The following USP32 variants were observed in gnomAD, a reference collection of about 807,000 sequenced individuals.
USP32 encodes ubiquitin carboxyl-terminal hydrolase 32.
In USP32, 59 loss-of-function variants were observed where a neutral mutation model predicts 204.8. The observed-to-expected ratio is 0.29, with a 90% CI of 0.23 to 0.36. The LOEUF (loss-of-function observed/expected upper bound fraction) is 0.36, where lower values mean the gene tolerates loss of function less well. USP32 is among the 10% of genes least tolerant of loss of function. The pLI is 1.00. For synonymous variants in USP32, 517 were observed against 678.4 expected (o/e 0.76, Z 3.70); for missense variants, 1,160 against 1,946.4 (o/e 0.60, Z 7.60).
chr17:60,265,490 A>G lies in USP32; in HGVS notation c.928-16T>C, dbSNP rs766077403. 6.6e-7 allele frequency: 1 copy of G among 1,524,888 alleles called. No homozygotes were observed. The highest frequency in any genetic ancestry group is 9.0e-7 in the Non-Finnish European group (1 of 1,106,390). 94.5% of individuals were successfully genotyped at this position (1,524,888 alleles called of 1,614,324 possible). On this transcript the variant is annotated splice_polypyrimidine_tract_variant and intron_variant, in intron 8 of 33. Transcript: ENST00000300896. The stretch of plus-strand genomic sequence containing the variant: ...TATGTAATTCCTTTAAAAATAACCC[A>G]AAGGAGTAATTAGAAAACAGTGAAT...
At position 60,223,453 on chromosome 17, in the gene USP32, C is replaced by G; in HGVS notation, c.1566G>C (p.Gly522=). The G allele has an allele frequency of 6.2e-7, 1 of 1,612,308 alleles. No homozygotes were observed. Among genetic ancestry groups the G allele is most frequent in the Non-Finnish European group, 8.5e-7 (1 of 1,179,604 alleles). ...TTACTAATGGCTGATTATCAATAGCCCCTGGTTTCTGAGGGTTAAGGTGCA... is the reference window on the plus strand; with the variant it reads ...TTACTAATGGCTGATTATCAATAGCGCCTGGTTTCTGAGGGTTAAGGTGCA... ...ILLHLNPQKP[G]AIDNQPLVTQ... Residue 522 remains glycine, a synonymous_variant, in exon 14 of 34, where the codon GGG becomes GGC. Transcript: ENST00000300896.
intron 16 of USP32, among the ~76,000 whole-genome samples, chr17:60,216,834 G>GCAAGCAA (rs1392690580): frequency 6.6e-6 from 1 of 152,128 alleles, no homozygotes; most frequent in African/African-American, 2.4e-5. Flanking sequence ...TTTACAATCA[G>GCAAGCAA]CAAGCAAAGG....
intron 26 of USP32, among the ~76,000 whole-genome samples, chr17:60,202,653 G>A (rs1171825376): frequency 6.6e-6 from 1 of 151,726 alleles, no homozygotes; most frequent in Non-Finnish European, 1.5e-5. Flanking sequence ...GATGTCTTAT[G>A]TGTCATTTTT....
At chr17:60,194,874 C>G (rs374800917) in intron 27 of USP32, among the ~76,000 whole-genome samples, 19 of 152,336 alleles carry the variant, frequency 1.2e-4, no homozygotes, top group African/African-American at 4.3e-4. Context: ...CCTCACTTGC[C>G]TCTTTACCCA....
chr17:60,359,099 AC>A (rs1195087292), intron 1 of USP32, among the ~76,000 whole-genome samples: 3 of 152,178 alleles, frequency 2.0e-5, no homozygotes, highest in East Asian at 3.9e-4. Context: ...GAACAATCCA[AC>A]ATCCTTCAAG....
intron 16 of USP32, among the ~76,000 whole-genome samples, chr17:60,218,150 C>T (rs1182006371): frequency 3.3e-5 from 5 of 152,008 alleles, no homozygotes; most frequent in Non-Finnish European, 5.9e-5. Flanking sequence ...CCAAACAGGC[C>T]GAGGTGGATG....
At chr17:60,334,208 C>T (rs2088459158) in intron 2 of USP32, among the ~76,000 whole-genome samples, 1 of 151,990 alleles carries the variant, frequency 6.6e-6, no homozygotes, top group Admixed American at 6.6e-5. Flanking sequence ...TAATTTTATG[C>T]AGTTATGGTT....
chr17:60,252,736 C>T (rs1291939235), intron 10 of USP32, among the ~76,000 whole-genome samples: 2 of 152,116 alleles, frequency 1.3e-5, no homozygotes, highest in Non-Finnish European at 2.9e-5. Context: ...GAACAGATTT[C>T]AGAATAATTC....
intron 1 of USP32, among the ~76,000 whole-genome samples, chr17:60,345,911 G>T (rs2088775621): frequency 6.6e-6 from 1 of 152,074 alleles, no homozygotes; most frequent in Non-Finnish European, 1.5e-5. Flanking sequence ...GAACCTGGGA[G>T]ATGGAGGTTG....
intron 18 of USP32, among the ~76,000 whole-genome samples, chr17:60,212,823 G>A (rs557295973): frequency 8.7e-4 from 131 of 150,802 alleles, no homozygotes; most frequent in Middle Eastern, 6.8e-3. Flanking sequence ...ATGTGATCTT[G>A]AGTCACTGCA....
At chr17:60,231,642 A>C (rs1227664055) in intron 12 of USP32, 1 of 499,598 alleles carries the variant, frequency 2.0e-6, no homozygotes, top group East Asian at 5.5e-5. Context: ...CATGGGAGAG[A>C]GGCACGAAAG....
At chr17:60,256,062 G>A (rs2086294058) in intron 9 of USP32, among the ~76,000 whole-genome samples, 1 of 151,894 alleles carries the variant, frequency 6.6e-6, no homozygotes, top group Admixed American at 6.6e-5. Flanking sequence ...AAAATCACTG[G>A]GCATGGTGGC....
At chr17:60,183,011 T>A (rs1167742178) in intron 31 of USP32, among the ~76,000 whole-genome samples, 154 bp downstream of exon 31, 1 of 152,228 alleles carries the variant, frequency 6.6e-6, no homozygotes, top group Non-Finnish European at 1.5e-5. Context: ...CTGAACCTCT[T>A]GCTAAAACTT....
chr17:60,245,388 G>C, intron 11 of USP32: 1 of 406,230 alleles, frequency 2.5e-6, no homozygotes, highest in Non-Finnish European at 4.8e-6. Context: ...AGGAAACACT[G>C]TGGGCAATCT....
At chr17:60,418,798 T>G (rs923474207) in intron 1 of USP32, among the ~76,000 whole-genome samples, 3 of 151,838 alleles carry the variant, frequency 2.0e-5, no homozygotes, top group Non-Finnish European at 4.4e-5. Flanking sequence ...GAAATGCAAA[T>G]CAAAACCACA....
chr17:60,233,050 GT>G (rs1457871405), intron 12 of USP32, among the ~76,000 whole-genome samples: 1 of 152,158 alleles, frequency 6.6e-6, no homozygotes, highest in Non-Finnish European at 1.5e-5. Context: ...AGAGCAAGAA[GT>G]AGTAATTTAT....
At chr17:60,345,380 C>T (rs946333245) in intron 2 of USP32, 101 bp downstream of exon 2, 1 of 1,489,630 alleles carries the variant, frequency 6.7e-7, no homozygotes, top group African/African-American at 1.4e-5. Context: ...AAAATAACTA[C>T]AGGTAAGATT....
intron 1 of USP32, among the ~76,000 whole-genome samples, chr17:60,378,885 C>T (rs1221981403): frequency 1.3e-5 from 2 of 151,870 alleles, no homozygotes; most frequent in Admixed American, 1.3e-4. Flanking sequence ...ACTAATTGTA[C>T]ATTTTTTAAA....
At chr17:60,267,288 T>G (rs948828913) in intron 7 of USP32, among the ~76,000 whole-genome samples, 2 of 151,614 alleles carry the variant, frequency 1.3e-5, no homozygotes, top group Non-Finnish European at 2.9e-5. Flanking sequence ...GCGCCTGTAA[T>G]CTCAGCTACT....
Sources: allele counts gnomAD v4.1 joint callset (sites outside exome capture counted in the v4.1 genomes callset), GRCh38; gene constraint gnomAD v4.1.1; transcripts MANE v1.5; gene names NCBI Gene and HGNC (gene_info 2026-07-23, HGNC 2026-07-21).